Variants in GALNT17 observed in about 807,000 individuals in gnomAD.
GALNT17 encodes the protein polypeptide N-acetylgalactosaminyltransferase 17, also known as UDP-GalNAc:polypeptide N-acetylgalactosaminyltransferase-like 3.
A neutral mutation model predicts 63.7 loss-of-function variants in GALNT17; 29 were observed. The ratio of observed to expected loss-of-function variants is 0.46; its 90% CI spans 0.34 to 0.62. GALNT17 has a LOEUF of 0.62. GALNT17 is among the 20% of genes least tolerant of loss of function. GALNT17 has a pLI of 0.01. For missense variants in GALNT17, 603 were observed against 799.6 expected, an observed-to-expected ratio of 0.75 and a Z score of 2.97; for synonymous variants, 305 against 318.3, an observed-to-expected ratio of 0.96 and a Z score of 0.45.
intron 1 of GALNT17, among the ~76,000 whole-genome samples, chr7:71,213,888 C>T (rs546521503): frequency 6.6e-6 from 1 of 152,144 alleles, no homozygotes; most frequent in Non-Finnish European, 1.5e-5. Flanking sequence ...CTGTTCCTAC[C>T]ATAGTATTAC....
In GALNT17 at chr7:71,500,929, C is replaced by T. The variant is rs116479923; in HGVS notation, c.963-70356C>T. Among the ~76,000 whole-genome samples the T allele has an allele frequency of 3.3e-3, 506 of 152,226 alleles. 4 individuals carry two copies. The highest frequency in any genetic ancestry group is 0.012 in the African/African-American group (488 of 41,532). The stretch of plus-strand genomic sequence containing the variant: ...AGATTCCAGGGCTCATCATTTCAAT[C>T]ATTCCTGTGCTCAATGCTCTTGTTC... On this transcript the variant is annotated intron_variant, in intron 5 of 10. Transcript: ENST00000333538.
chr7:71,712,318 T>G lies in GALNT17; in HGVS notation c.*172T>G, dbSNP rs1238814286. ...CCCCGGATGAAGACTCTGTCCCCCC[T>G]CAGGCATTCAGCTGCCCACAAGTTT... On this transcript the variant is annotated 3_prime_UTR_variant, in exon 11 of 11. Transcript: ENST00000333538. 2 of 711,062 alleles carry G rather than the reference T, an allele frequency of 2.8e-6. No homozygotes were observed. The highest frequency in any genetic ancestry group is 4.3e-6 in the Non-Finnish European group (2 of 462,278). The allele number at this position is 711,062 out of a possible 1,614,324, so 44.0% of individuals were successfully genotyped here.
At chr7:71,278,762 G>A (rs1000299864) in intron 1 of GALNT17, among the ~76,000 whole-genome samples, 1 of 152,064 alleles carries the variant, frequency 6.6e-6, no homozygotes, top group Admixed American at 6.5e-5. Context: ...CATGAGAACA[G>A]CATGAGGGTA....
intron 6 of GALNT17, among the ~76,000 whole-genome samples, chr7:71,588,640 G>T (rs903144843): frequency 6.6e-6 from 1 of 152,116 alleles, no homozygotes; most frequent in African/African-American, 2.4e-5. Context: ...TCTGCTTTTA[G>T]GTTGATTCTA....
chr7:71,366,531 A>G (rs1280658836), intron 2 of GALNT17, among the ~76,000 whole-genome samples: 1 of 152,154 alleles, frequency 6.6e-6, no homozygotes, highest in East Asian at 1.9e-4. Flanking sequence ...CAGTGAGCTG[A>G]GATCGTGCCA....
chr7:71,527,503 G>A (rs1003656867), intron 5 of GALNT17, among the ~76,000 whole-genome samples: 1 of 152,160 alleles, frequency 6.6e-6, no homozygotes. Context: ...TTTCTGGCCT[G>A]ATTATCATCC....
At chr7:71,261,820 A>T (rs771786425) in intron 1 of GALNT17, among the ~76,000 whole-genome samples, 7 of 152,194 alleles carry the variant, frequency 4.6e-5, no homozygotes, top group Non-Finnish European at 8.8e-5. Context: ...TATTCCTCTT[A>T]GGAATCGGAG....
intron 5 of GALNT17, among the ~76,000 whole-genome samples, chr7:71,488,416 T>C (rs1787948878): frequency 6.6e-6 from 1 of 152,032 alleles, no homozygotes; most frequent in African/African-American, 2.4e-5. Flanking sequence ...AATCACCTTC[T>C]GCACAGTGAG....
intron 1 of GALNT17, among the ~76,000 whole-genome samples, chr7:71,186,858 G>T (rs1788860221): frequency 6.6e-6 from 1 of 152,100 alleles, no homozygotes; most frequent in Admixed American, 6.6e-5. Context: ...AGAAAGGCTG[G>T]GCCTGCTGTA....
At chr7:71,508,374 C>T (rs2116718659) in intron 5 of GALNT17, among the ~76,000 whole-genome samples, 1 of 152,282 alleles carries the variant, frequency 6.6e-6, no homozygotes, top group Admixed American at 6.5e-5. Flanking sequence ...ATCCAGATTC[C>T]ATCATGCAAA....
At chr7:71,156,282 G>A (rs140679026) in intron 1 of GALNT17, among the ~76,000 whole-genome samples, 3 of 151,822 alleles carry the variant, frequency 2.0e-5, no homozygotes, top group Non-Finnish European at 4.4e-5. Context: ...CATAGAGCAG[G>A]CTAGGGCTTC....
intron 1 of GALNT17, among the ~76,000 whole-genome samples, chr7:71,155,909 A>G (rs1035468396): frequency 6.6e-6 from 1 of 151,900 alleles, no homozygotes; most frequent in South Asian, 2.1e-4. Flanking sequence ...TAAAAATTTC[A>G]TTCTTGGCTG....
At chr7:71,238,073 T>C (rs1789927700) in intron 1 of GALNT17, among the ~76,000 whole-genome samples, 1 of 152,114 alleles carries the variant, frequency 6.6e-6, no homozygotes, top group Non-Finnish European at 1.5e-5. Flanking sequence ...ACTAATCCAC[T>C]CCACTATTTA....
chr7:71,406,038 G>A (rs1001921537), intron 3 of GALNT17, among the ~76,000 whole-genome samples: 3 of 152,178 alleles, frequency 2.0e-5, no homozygotes, highest in Admixed American at 1.3e-4. Context: ...GACAAATGTT[G>A]TGGAATGTTA....
At chr7:71,407,286 G>T (rs546423597) in intron 3 of GALNT17, among the ~76,000 whole-genome samples, 2 of 152,182 alleles carry the variant, frequency 1.3e-5, no homozygotes, top group South Asian at 4.1e-4. Context: ...GCAGAGATGT[G>T]CCCAGGGAGA....
rs149808420 is a variant in GALNT17, at chr7:71,657,408, G to A, written c.1081-8003G>A. 5.5e-3 allele frequency among the ~76,000 whole-genome samples: 837 copies of A among 152,302 alleles called. 2 individuals carry two copies. Among genetic ancestry groups the A allele is most frequent in the Non-Finnish European group, 8.2e-3 (557 of 68,028 alleles). Reference sequence around the variant, plus strand: ...ACATCAAAAATGTTTGGAGCCCATAGCCTGTGAGCATAGTGAATATAAATG... The same window carrying A: ...ACATCAAAAATGTTTGGAGCCCATAACCTGTGAGCATAGTGAATATAAATG... On this transcript the variant is annotated intron_variant, in intron 6 of 10. Coordinates refer to ENST00000333538, the MANE Select transcript of GALNT17 (RefSeq NM_022479.3).
chr7:71,184,975 CCTTCCTTCCTTCCTTCCTTCCTT>C (rs1203120559), intron 1 of GALNT17, among the ~76,000 whole-genome samples: 2 of 121,568 alleles, frequency 1.6e-5, no homozygotes, highest in African/African-American at 3.5e-5. Context: ...TTCCTTCCTT[CCTTCCTTCCTTCCTTCCTTCCTT>C]CTTCCTTCCC....
chr7:71,346,487 C>T (rs1792098012), intron 2 of GALNT17, among the ~76,000 whole-genome samples: 1 of 151,882 alleles, frequency 6.6e-6, no homozygotes, highest in Non-Finnish European at 1.5e-5. Context: ...TATTCCCATC[C>T]CTTCTTTTGT....
intron 1 of GALNT17, among the ~76,000 whole-genome samples, chr7:71,265,118 A>ATATATATATATTTTTT (rs1390488895): frequency 8.0e-5 from 3 of 37,454 alleles, no homozygotes; most frequent in Non-Finnish European, 2.0e-4. Flanking sequence ...ATATATATAT[A>ATATATATATATTTTTT]TTTTTTTTTT....
Sources: gnomAD v4.1 joint callset for allele counts (sites outside exome capture counted in the v4.1 genomes callset) on GRCh38, gnomAD v4.1.1 for gene constraint, MANE v1.5 for transcripts, NCBI Gene and HGNC (gene_info 2026-07-23, HGNC 2026-07-21) for gene names.